Variants in COL21A1 observed in about 807,000 individuals in gnomAD.
The protein encoded by COL21A1 is collagen alpha-1(XXI) chain.
COL21A1 carries 149 observed loss-of-function variants against 137.9 expected under a neutral mutation model. The observed-to-expected ratio is 1.08, with a 90% CI of 0.95 to 1.24. The LOEUF (loss-of-function observed/expected upper bound fraction) is 1.24. Among genes scored for constraint, COL21A1 ranks in the 50% most tolerant of loss-of-function variants. The pLI is 0.00. For missense variants in COL21A1, 1,167 were observed against 1,158.4 expected (o/e 1.01, Z -0.11); for synonymous variants, 456 against 391.5 (o/e 1.16, Z -1.95).
At chr6:56,156,338 G>T (rs562558555) in intron 10 of COL21A1, among the ~76,000 whole-genome samples, 1 of 152,176 alleles carries the variant, frequency 6.6e-6, no homozygotes, top group Non-Finnish European at 1.5e-5. Context: ...CTTCCTGACT[G>T]TGGATCCCTG....
At chr6:56,163,693 C>T (rs1306813627) in intron 9 of COL21A1, among the ~76,000 whole-genome samples, 1 of 129,542 alleles carries the variant, frequency 7.7e-6, no homozygotes, top group Non-Finnish European at 1.6e-5. Context: ...GGCGATAGAG[C>T]AAGGCTCCGT....
At chr6:56,150,498 A>G (rs1398131596) in intron 10 of COL21A1, among the ~76,000 whole-genome samples, 1 of 149,162 alleles carries the variant, frequency 6.7e-6, no homozygotes, top group Non-Finnish European at 1.5e-5. Flanking sequence ...AGCCTGGGCG[A>G]CAGAGCGAGA....
chr6:56,174,770 A>C lies in COL21A1; in HGVS notation c.641-3642T>G, dbSNP rs564260965. 2.0e-4 allele frequency among the ~76,000 whole-genome samples: 30 copies of C among 152,210 alleles called. No individual in the cohort carries two copies. The South Asian group carries it at 6.2e-3, about 32-fold the overall frequency. On this transcript the variant is annotated intron_variant, in intron 3 of 29. Transcript: ENST00000244728. Reference sequence around the variant, plus strand: ...ATATCTTTCTTAAGATCTTTCAAAAAATTGAAGAGGAGTAAACACTTCTAA... The same window carrying C: ...ATATCTTTCTTAAGATCTTTCAAAACATTGAAGAGGAGTAAACACTTCTAA...
At chr6:56,102,631 A>T (rs1275025381) in intron 16 of COL21A1, among the ~76,000 whole-genome samples, 1 of 152,198 alleles carries the variant, frequency 6.6e-6, no homozygotes, top group Non-Finnish European at 1.5e-5. Context: ...TATTCTAATG[A>T]ATTTCCCAAA....
chr6:56,191,116 A>G (rs910857283), intron 1 of COL21A1, among the ~76,000 whole-genome samples: 4 of 152,198 alleles, frequency 2.6e-5, no homozygotes, highest in Admixed American at 2.0e-4. Flanking sequence ...GCAATCAGGC[A>G]AGAGAAAGAA....
intron 3 of COL21A1, among the ~76,000 whole-genome samples, chr6:56,177,034 G>C (rs1340065191): frequency 1.3e-5 from 2 of 151,776 alleles, no homozygotes; most frequent in African/African-American, 4.8e-5. Flanking sequence ...AGAAGAGGAG[G>C]AGGAGGAAGT....
At chr6:56,210,228 A>C (rs1780073974) in intron 1 of COL21A1, among the ~76,000 whole-genome samples, 1 of 152,126 alleles carries the variant, frequency 6.6e-6, no homozygotes, top group Non-Finnish European at 1.5e-5. Context: ...CACGTTCTGC[A>C]CATGTACCCC....
chr6:56,127,893 A>T (rs1773177346), intron 12 of COL21A1, among the ~76,000 whole-genome samples: 1 of 152,154 alleles, frequency 6.6e-6, no homozygotes, highest in African/African-American at 2.4e-5. Context: ...ATAATCATCC[A>T]TTATGCTAGG....
intron 1 of COL21A1, among the ~76,000 whole-genome samples, chr6:56,269,307 A>G (rs1290958403): frequency 6.6e-6 from 1 of 152,218 alleles, no homozygotes; most frequent in Non-Finnish European, 1.5e-5. Context: ...ACACATAGTC[A>G]TCAGATTCAC....
chr6:56,347,517 T>TAAAAAAAAAAAAAAAAAAAAAAA (rs373385667), intron 1 of COL21A1, among the ~76,000 whole-genome samples: 1 of 127,182 alleles, frequency 7.9e-6, no homozygotes, highest in Non-Finnish European at 1.6e-5. Flanking sequence ...AGGAAGCATT[T>TAAAAAAAAAAAAAAAAAAAAAAA]AAAAAAAAAA....
Position 56,166,044 on chromosome 6 carries a change from A to AATTTTT in COL21A1, c.1278+861_1278+862insAAAAAT, listed in dbSNP as rs1318801107. On this transcript the variant is annotated intron_variant, in intron 7 of 29. Coordinates refer to ENST00000244728, the MANE Select transcript of COL21A1 (RefSeq NM_030820.4). ...AATAGAAACGCTGCTTATATTCTAGAACTATAATAAATTTTTACTTAAATA... is the reference window on the plus strand; with the variant it reads ...AATAGAAACGCTGCTTATATTCTAGAATTTTTACTATAATAAATTTTTACTTAAATA... Among the ~76,000 whole-genome samples the AATTTTT allele has an allele frequency of 3.0e-3, 451 of 152,126 alleles. 2 individuals carry two copies. Among genetic ancestry groups the AATTTTT allele is most frequent in the African/African-American group, 0.01 (428 of 41,516 alleles).
intron 23 of COL21A1, 68 bp from the exon 24 acceptor site, chr6:56,064,690 A>C: frequency 2.0e-6 from 2 of 977,196 alleles, no homozygotes; most frequent in Admixed American, 2.4e-5. Context: ...ATGCAATACA[A>C]ACTATGTATT....
chr6:56,148,368 G>GAGAGAGAGAGAA (rs1208798741), intron 10 of COL21A1, among the ~76,000 whole-genome samples: 18 of 150,114 alleles, frequency 1.2e-4, no homozygotes, highest in South Asian at 4.2e-4. Context: ...GAGAGAGAGA[G>GAGAGAGAGAGAA]AAACACATAA....
At position 56,335,698 on chromosome 6, in the gene COL21A1, A is replaced by ACAATGGC. The variant is rs1311374406; in HGVS notation, c.-39+58266_-39+58272dup. Among the ~76,000 whole-genome samples the ACAATGGC allele has an allele frequency of 2.6e-5, 4 of 152,324 alleles. No individual in the cohort carries two copies. In the East Asian group the frequency reaches 5.8e-4, roughly 22 times the overall value. On this transcript the variant is annotated intron_variant, in intron 1 of 28. Transcript: ENST00000370819. The stretch of plus-strand genomic sequence containing the variant: ...TTGTGTCCTTGCCAAAACACAAGTG[A>ACAATGGC]CAATGGCCAATTCCCTTGCTATAGC...
intron 16 of COL21A1, among the ~76,000 whole-genome samples, chr6:56,108,308 A>T (rs918601709): frequency 6.6e-6 from 1 of 151,998 alleles, no homozygotes; most frequent in African/African-American, 2.4e-5. Flanking sequence ...AAAATAAAAA[A>T]ATTCAGATTG....
chr6:56,261,665 G>GT (rs1297808322), intron 1 of COL21A1, among the ~76,000 whole-genome samples: 33 of 152,282 alleles, frequency 2.2e-4, no homozygotes, highest in Admixed American at 1.3e-3. Flanking sequence ...AGTCTAAGGG[G>GT]TTTTTTCTTG....
At chr6:56,268,704 G>A (rs913201999) in intron 1 of COL21A1, among the ~76,000 whole-genome samples, 1 of 152,138 alleles carries the variant, frequency 6.6e-6, no homozygotes, top group African/African-American at 2.4e-5. Flanking sequence ...ATTAGCATAA[G>A]AACTCTGGCC....
chr6:56,223,646 TA>T (rs555448861), intron 1 of COL21A1, among the ~76,000 whole-genome samples: 389 of 151,884 alleles, frequency 2.6e-3, no homozygotes, highest in Non-Finnish European at 3.9e-3. Context: ...ATATTAATTT[TA>T]AAAAAAACAT....
intron 1 of COL21A1, among the ~76,000 whole-genome samples, chr6:56,342,283 T>C (rs182574742): frequency 7.7e-4 from 117 of 152,354 alleles, no homozygotes; most frequent in Admixed American, 2.5e-3. Flanking sequence ...ACATGGTTTC[T>C]ATTACAAAAA....
Sources: allele counts gnomAD v4.1 joint callset (sites outside exome capture counted in the v4.1 genomes callset), GRCh38; gene constraint gnomAD v4.1.1; transcripts MANE v1.5; gene names NCBI Gene and HGNC (gene_info 2026-07-23, HGNC 2026-07-21).